Variants in MYT1L observed in about 807,000 individuals in gnomAD.
MYT1L encodes the protein myelin transcription factor 1-like protein.
MYT1L carries 12 observed loss-of-function variants against 126.7 expected under a neutral mutation model. The ratio of observed to expected loss-of-function variants is 0.09; its 90% CI spans 0.06 to 0.15. The LOEUF is 0.15. Ranked by LOEUF, MYT1L falls within the 10% of genes least tolerant of loss-of-function variation. The probability of loss-of-function intolerance (pLI) is 1.00; values close to 1 mark genes in which losing one functional copy is unlikely to be tolerated. For synonymous variants in MYT1L, 541 were observed against 604.2 expected (o/e 0.90, Z 1.53); for missense variants, 979 against 1,585.2 (o/e 0.62, Z 6.49).
At chr2:1,808,624 C>G (rs775105577) in intron 22 of MYT1L, among the ~76,000 whole-genome samples, 12 of 152,138 alleles carry the variant, frequency 7.9e-5, no homozygotes, top group Non-Finnish European at 1.8e-4. Context: ...CAGAACAAAA[C>G]AGATTTGCAG....
intron 2 of MYT1L, among the ~76,000 whole-genome samples, chr2:2,211,505 A>G (rs2093505378): frequency 6.6e-6 from 1 of 152,138 alleles, no homozygotes; most frequent in Non-Finnish European, 1.5e-5. Flanking sequence ...AAAATAACTC[A>G]TCTTTAAGAC....
chr2:1,826,691 C>T (rs1410289895), intron 21 of MYT1L, among the ~76,000 whole-genome samples: 9 of 152,258 alleles, frequency 5.9e-5, no homozygotes, highest in African/African-American at 1.2e-4. Flanking sequence ...GGGCCGGCGT[C>T]GGGGAAAGCG....
chr2:2,049,950 T>C (rs141956408), intron 4 of MYT1L, among the ~76,000 whole-genome samples: 99 of 150,882 alleles, frequency 6.6e-4, no homozygotes, highest in Middle Eastern at 3.4e-3. Context: ...TATATACGTG[T>C]GTGTGTGTGT....
chr2:2,183,551 T>C (rs750743088), intron 2 of MYT1L, among the ~76,000 whole-genome samples: 4 of 152,198 alleles, frequency 2.6e-5, no homozygotes, highest in Non-Finnish European at 5.9e-5. Flanking sequence ...AATCATGCTG[T>C]ACTTGATGGC....
intron 2 of MYT1L, among the ~76,000 whole-genome samples, chr2:2,221,223 T>A (rs1383016001): frequency 6.6e-6 from 1 of 152,176 alleles, no homozygotes; most frequent in South Asian, 2.1e-4. Flanking sequence ...TGAGCCTTCT[T>A]GCTCCCTGAG....
chr2:2,325,317 A>T (rs1166860359), intron 1 of MYT1L: 1 of 152,180 alleles, frequency 6.6e-6, no homozygotes. Context: ...CGGGTTGCCA[A>T]CCTCACTATA....
At chr2:2,041,548 G>T (rs924327669) in intron 4 of MYT1L, among the ~76,000 whole-genome samples, 1 of 152,172 alleles carries the variant, frequency 6.6e-6, no homozygotes, top group Non-Finnish European at 1.5e-5. Context: ...CCAAACATCA[G>T]AAAAATTTTC....
chr2:2,007,735 T>G (rs1574469669), intron 4 of MYT1L, among the ~76,000 whole-genome samples: 1 of 152,284 alleles, frequency 6.6e-6, no homozygotes, highest in East Asian at 1.9e-4. Context: ...GAAACCACCT[T>G]TGATAAATGG....
At chr2:2,188,236 A>G (rs750431432) in intron 2 of MYT1L, among the ~76,000 whole-genome samples, 6 of 152,190 alleles carry the variant, frequency 3.9e-5, no homozygotes, top group Non-Finnish European at 7.3e-5. Context: ...CCGAAAGTTA[A>G]TGGTAATATT....
At chr2:1,921,639 C>T (rs936184204) in intron 10 of MYT1L, among the ~76,000 whole-genome samples, 1 of 152,126 alleles carries the variant, frequency 6.6e-6, no homozygotes. Flanking sequence ...AATGAATATC[C>T]TAAAGAAATT....
At chr2:1,956,579 TCTA>T (rs766095872) in intron 8 of MYT1L, among the ~76,000 whole-genome samples, 1,594 of 102,060 alleles carry the variant, frequency 0.016, 49 homozygotes, top group African/African-American at 0.03. Flanking sequence ...TCCTATTCTA[TCTA>T]TCTATCTATC....
chr2:2,141,094 G>A (rs962594669), intron 3 of MYT1L, among the ~76,000 whole-genome samples: 6 of 152,256 alleles, frequency 3.9e-5, no homozygotes, highest in Middle Eastern at 3.4e-3. Context: ...ATGGAGAAGT[G>A]TATGGATGGT....
chr2:2,326,290 C>T lies in MYT1L; in HGVS notation c.-521+4677G>A, dbSNP rs1284656051. The T allele has an allele frequency of 2.0e-5, 3 of 152,322 alleles. No individual in the cohort carries two copies. The East Asian group carries it at 5.8e-4, about 29-fold the overall frequency. The allele number at this position is 152,322 out of a possible 1,614,324, so 9.4% of individuals were successfully genotyped here. On this transcript the variant is annotated intron_variant, in intron 1 of 24. Transcript: ENST00000647738. The stretch of plus-strand genomic sequence containing the variant: ...GGCTTTCCACAGAGCACAGCTCTGA[C>T]TGTGGTTTCCGTGGGGAGACTGACA...
chr2:1,845,748 T>G (rs73913442), intron 19 of MYT1L, among the ~76,000 whole-genome samples: 1 of 152,330 alleles, frequency 6.6e-6, no homozygotes, highest in East Asian at 1.9e-4. Context: ...TACCCCCTTA[T>G]ACTGAATTCA....
chr2:1,932,679 T>C (rs546683864), intron 9 of MYT1L, among the ~76,000 whole-genome samples: 4 of 152,222 alleles, frequency 2.6e-5, no homozygotes, highest in African/African-American at 7.2e-5. Flanking sequence ...CAAGTCCTCA[T>C]TGAGAAGGTG....
At chr2:1,908,196 A>G (rs1224212258) in intron 13 of MYT1L, among the ~76,000 whole-genome samples, 1 of 152,238 alleles carries the variant, frequency 6.6e-6, no homozygotes, top group Admixed American at 6.5e-5. Flanking sequence ...GCTGCATATG[A>G]AGCCACAGGA....
At chr2:2,269,017 T>A (rs1245905336) in intron 2 of MYT1L, among the ~76,000 whole-genome samples, 1 of 152,096 alleles carries the variant, frequency 6.6e-6, no homozygotes, top group Non-Finnish European at 1.5e-5. Context: ...TTCGGGGCGA[T>A]GTGTAGATTT....
chr2:1,923,903 A>C (rs1257060290), intron 9 of MYT1L, among the ~76,000 whole-genome samples: 4 of 152,258 alleles, frequency 2.6e-5, no homozygotes, highest in African/African-American at 4.8e-5. Context: ...ACAGTGAAAC[A>C]ACAGAAATTC....
chr2:2,021,282 G>C (rs2065006157), intron 4 of MYT1L, among the ~76,000 whole-genome samples: 1 of 152,190 alleles, frequency 6.6e-6, no homozygotes, highest in African/African-American at 2.4e-5. Context: ...TTTGCAGAGA[G>C]CAGGGGTGGA....
Sources: gnomAD v4.1 joint callset for allele counts (sites outside exome capture counted in the v4.1 genomes callset) on GRCh38, gnomAD v4.1.1 for gene constraint, MANE v1.5 for transcripts, NCBI Gene and HGNC (gene_info 2026-07-23, HGNC 2026-07-21) for gene names.